The following MARCHF1 variants were observed in gnomAD, a reference collection of about 807,000 sequenced individuals.
MARCHF1 encodes the protein membrane associated ring-CH-type finger 1.
MARCHF1 carries 40 observed loss-of-function variants against 54.2 expected under a neutral mutation model. The observed-to-expected ratio is 0.74, with a 90% confidence interval of 0.57 to 0.96. The LOEUF is 0.96. Among genes scored for constraint, MARCHF1 ranks in the 40% least tolerant of loss-of-function variants. The pLI, the probability that MARCHF1 is intolerant of heterozygous loss-of-function variation, is 0.00. For missense variants in MARCHF1, 586 were observed against 656.5 expected, an observed-to-expected ratio of 0.89 and a Z score of 1.17; for synonymous variants, 236 against 236.3, an observed-to-expected ratio of 1.00 and a Z score of 0.01.
At chr4:164,107,728 CT>C (rs1324273691) in intron 2 of MARCHF1, among the ~76,000 whole-genome samples, 2 of 151,870 alleles carry the variant, frequency 1.3e-5, no homozygotes, top group African/African-American at 4.8e-5. Context: ...TAAAAATTCA[CT>C]TTTAGATAAT....
At chr4:163,733,836 A>G (rs1490611656) in intron 4 of MARCHF1, among the ~76,000 whole-genome samples, 1 of 152,206 alleles carries the variant, frequency 6.6e-6, no homozygotes, top group Non-Finnish European at 1.5e-5. Flanking sequence ...TATCAAAATA[A>G]AGAACTGATC....
At chr4:163,681,270 G>A (rs1033181110) in intron 5 of MARCHF1, among the ~76,000 whole-genome samples, 3 of 151,942 alleles carry the variant, frequency 2.0e-5, no homozygotes, top group African/African-American at 7.2e-5. Flanking sequence ...AAGATTGATA[G>A]AAAAAAAGGG....
At chr4:163,605,509 G>C (rs954334630) in intron 7 of MARCHF1, among the ~76,000 whole-genome samples, 3 of 152,084 alleles carry the variant, frequency 2.0e-5, no homozygotes, top group Non-Finnish European at 4.4e-5. Flanking sequence ...GATTCCTCAA[G>C]GATTTAGAAC....
intron 4 of MARCHF1, among the ~76,000 whole-genome samples, chr4:163,850,589 C>G (rs1749614659): frequency 6.6e-6 from 1 of 152,208 alleles, no homozygotes; most frequent in South Asian, 2.1e-4. Flanking sequence ...AAAGCCTATG[C>G]TACCATAGCA....
chr4:164,034,108 T>TAGATAGATAGATAGAC (rs1484023412), intron 2 of MARCHF1, among the ~76,000 whole-genome samples: 2 of 138,942 alleles, frequency 1.4e-5, no homozygotes, highest in Non-Finnish European at 3.1e-5. Flanking sequence ...GATAGATAGA[T>TAGATAGATAGATAGAC]AGATAGATAG....
intron 1 of MARCHF1, among the ~76,000 whole-genome samples, chr4:164,262,770 C>A (rs2111281685): frequency 6.6e-6 from 1 of 152,276 alleles, no homozygotes; most frequent in Admixed American, 6.5e-5. Flanking sequence ...TTCTCCCCAT[C>A]CACTTTAGAT....
intron 5 of MARCHF1, among the ~76,000 whole-genome samples, chr4:163,633,294 C>T (rs1363556036): frequency 6.6e-6 from 1 of 152,130 alleles, no homozygotes; most frequent in East Asian, 1.9e-4. Flanking sequence ...GATCAAATTA[C>T]TCTGAGCTAT....
At chr4:163,677,899 C>A (rs887180420) in intron 5 of MARCHF1, among the ~76,000 whole-genome samples, 12 of 152,176 alleles carry the variant, frequency 7.9e-5, no homozygotes, top group Non-Finnish European at 1.6e-4. Context: ...ACTCTTCTGG[C>A]CTCAGATTCC....
intron 2 of MARCHF1, among the ~76,000 whole-genome samples, chr4:164,077,446 A>G (rs140801119): frequency 0.012 from 1,870 of 152,292 alleles, 38 homozygotes; most frequent in African/African-American, 0.043. Flanking sequence ...AACCTAGGCA[A>G]TACTATTCAG....
chr4:163,773,371 A>C (rs1022811669), intron 4 of MARCHF1, among the ~76,000 whole-genome samples: 2 of 152,204 alleles, frequency 1.3e-5, no homozygotes, highest in African/African-American at 4.8e-5. Flanking sequence ...CTGTGAAATG[A>C]ATATGAACTA....
At chr4:163,696,071 C>A (rs1744619186) in intron 5 of MARCHF1, among the ~76,000 whole-genome samples, 1 of 151,808 alleles carries the variant, frequency 6.6e-6, no homozygotes, top group Non-Finnish European at 1.5e-5. Context: ...GGCACACCAA[C>A]CTTACTTGAA....
chr4:163,792,063 AC>A (rs1217485349), intron 4 of MARCHF1, among the ~76,000 whole-genome samples: 3 of 152,216 alleles, frequency 2.0e-5, no homozygotes, highest in Non-Finnish European at 4.4e-5. Context: ...ATATCAGAAT[AC>A]TTCCTTTCAC....
At chr4:163,838,835 T>C (rs1749262344) in intron 4 of MARCHF1, among the ~76,000 whole-genome samples, 1 of 152,066 alleles carries the variant, frequency 6.6e-6, no homozygotes. Flanking sequence ...TTTGTGATCT[T>C]TGGTTAGGTT....
At chr4:164,374,316 AT>A (rs1193158615) in intron 1 of MARCHF1, among the ~76,000 whole-genome samples, 1 of 152,172 alleles carries the variant, frequency 6.6e-6, no homozygotes, top group Non-Finnish European at 1.5e-5. Context: ...TGTTATTATG[AT>A]AATAATTCAG....
intron 1 of MARCHF1, among the ~76,000 whole-genome samples, chr4:164,176,512 C>T (rs558069264): frequency 7.9e-5 from 12 of 151,928 alleles, no homozygotes; most frequent in Non-Finnish European, 1.5e-4. Flanking sequence ...CTTAGCAATC[C>T]TAATATTTAA....
At chr4:163,554,380 A>G (rs1739215836) in intron 8 of MARCHF1, among the ~76,000 whole-genome samples, 1 of 152,218 alleles carries the variant, frequency 6.6e-6, no homozygotes, top group African/African-American at 2.4e-5. Context: ...GTCAGAGGCC[A>G]AGGGAACATA....
intron 2 of MARCHF1, among the ~76,000 whole-genome samples, chr4:164,039,195 T>A (rs934496650): frequency 1.3e-5 from 2 of 152,210 alleles, no homozygotes; most frequent in African/African-American, 4.8e-5. Flanking sequence ...GTTTCACTTT[T>A]AAAATTCCAC....
At chr4:163,547,664 G>T (rs973587727) in intron 8 of MARCHF1, among the ~76,000 whole-genome samples, 12 of 152,282 alleles carry the variant, frequency 7.9e-5, no homozygotes, top group Middle Eastern at 3.4e-3. Context: ...ATTGGTAAAA[G>T]AATTAAATAG....
chr4:163,689,598 G>C (rs1472312598), intron 5 of MARCHF1, among the ~76,000 whole-genome samples: 2 of 151,852 alleles, frequency 1.3e-5, no homozygotes, highest in African/African-American at 4.8e-5. Flanking sequence ...ATACTGGATA[G>C]TGCAGTTCTA....
Sources: allele counts gnomAD v4.1 joint callset (sites outside exome capture counted in the v4.1 genomes callset), GRCh38; gene constraint gnomAD v4.1.1; transcripts MANE v1.5; gene names NCBI Gene and HGNC (gene_info 2026-07-23, HGNC 2026-07-21).